RGS22: variants seen among roughly 807,000 people sequenced by gnomAD.
RGS22 encodes regulator of G-protein signaling 22.
RGS22 carries 148 observed loss-of-function variants against 172.9 expected under a neutral mutation model. The observed-to-expected ratio is 0.86, with a 90% CI of 0.75 to 0.98. The LOEUF is 0.98. RGS22 is among the 50% of genes least tolerant of loss of function. The pLI, the probability that RGS22 is intolerant of heterozygous loss-of-function variation, is 0.00. For missense variants in RGS22, 1,347 were observed against 1,440.8 expected, an observed-to-expected ratio of 0.93 and a Z score of 1.05; for synonymous variants, 458 against 480.2, an observed-to-expected ratio of 0.95 and a Z score of 0.60.
chr8:100,012,550 C>G lies in RGS22; in HGVS notation c.2167-3981G>C, dbSNP rs546070864. 9.2e-5 allele frequency among the ~76,000 whole-genome samples: 14 copies of G among 151,512 alleles called. No individual in the cohort carries two copies. The South Asian group carries it at 2.7e-3, about 29-fold the overall frequency. Reference sequence around the variant, plus strand: ...TGAAATATGATGGTGCCACCGTACTCCAGACTGGGTGACAAGAGTGAGGAG... The same window carrying G: ...TGAAATATGATGGTGCCACCGTACTGCAGACTGGGTGACAAGAGTGAGGAG... On this transcript the variant is annotated intron_variant, in intron 14 of 27. Transcript: ENST00000360863.
intron 14 of RGS22, among the ~76,000 whole-genome samples, chr8:100,016,450 C>A (rs1286233684): frequency 3.3e-5 from 5 of 151,960 alleles, no homozygotes; most frequent in Non-Finnish European, 7.4e-5. Flanking sequence ...AGAATATCAA[C>A]CCCCATCTGA....
intron 12 of RGS22, 94 bp from the exon 13 acceptor site, chr8:100,040,181 G>T: frequency 9.0e-7 from 1 of 1,115,810 alleles, no homozygotes; most frequent in Non-Finnish European, 1.3e-6. Flanking sequence ...CTACCATGCT[G>T]TCATTTTCCC....
At chr8:100,026,868 A>G (rs1019334237) in intron 14 of RGS22, among the ~76,000 whole-genome samples, 1 of 152,244 alleles carries the variant, frequency 6.6e-6, no homozygotes, top group Admixed American at 6.5e-5. Flanking sequence ...ATGACTTAAA[A>G]GTAAAACAAA....
At chr8:100,002,624 C>A (rs1358105630) in intron 17 of RGS22, among the ~76,000 whole-genome samples, 3 of 152,158 alleles carry the variant, frequency 2.0e-5, no homozygotes, top group Non-Finnish European at 4.4e-5. Context: ...AATCCGTCAC[C>A]ATTATTGGTG....
At chr8:99,986,949 G>A (rs1813162084) in intron 21 of RGS22, among the ~76,000 whole-genome samples, 1 of 152,022 alleles carries the variant, frequency 6.6e-6, no homozygotes, top group Admixed American at 6.6e-5. Flanking sequence ...CTCTCTGCAG[G>A]AAGGTTCTCA....
At chr8:100,010,721 A>C (rs1816281216) in intron 14 of RGS22, among the ~76,000 whole-genome samples, 1 of 152,136 alleles carries the variant, frequency 6.6e-6, no homozygotes, top group Non-Finnish European at 1.5e-5. Flanking sequence ...ACATTTATTA[A>C]ATTTTCCAAA....
intron 2 of RGS22, among the ~76,000 whole-genome samples, chr8:100,102,375 A>G (rs1236986653): frequency 3.9e-5 from 6 of 152,212 alleles, no homozygotes; most frequent in African/African-American, 1.2e-4. Context: ...TCTACCATGG[A>G]AAGGAGAGAA....
At chr8:100,008,662 GAA>G in intron 14 of RGS22, 93 bp from the exon 15 acceptor site, 1 of 921,012 alleles carries the variant, frequency 1.1e-6, no homozygotes, top group South Asian at 1.9e-5. Context: ...AAAACTAAGA[GAA>G]GGCAAATAAG....
chr8:100,093,472 T>A lies in RGS22; in HGVS notation c.92A>T (p.Tyr31Phe). Residue 31 changes from tyrosine to phenylalanine, a missense_variant, in exon 3 of 28, where the codon TAC becomes TTC. Coordinates refer to ENST00000360863, the MANE Select transcript of RGS22 (RefSeq NM_015668.5). The part of the protein sequence containing the change: ...SLATDDFLVD[Y>F]FNEFLSLPTF... ...TGGAAGGCTTAGGAATTCATTAAAG[T>A]AGTCTACAAGGAAATCATCTGTTGC... 6.3e-7 allele frequency: 1 copy of A among 1,597,320 alleles called. No individual in the cohort carries two copies. Among genetic ancestry groups the A allele is most frequent in the Non-Finnish European group, 8.6e-7 (1 of 1,168,858 alleles).
chr8:100,018,154 T>C (rs1394626937), intron 14 of RGS22, among the ~76,000 whole-genome samples: 1 of 151,718 alleles, frequency 6.6e-6, no homozygotes, highest in Non-Finnish European at 1.5e-5. Context: ...CACAATGTGC[T>C]GCTTTCCCCG....
intron 10 of RGS22, among the ~76,000 whole-genome samples, chr8:100,052,218 T>TATAA (rs1563673449): frequency 8.9e-5 from 11 of 123,462 alleles, no homozygotes; most frequent in African/African-American, 3.1e-4. Flanking sequence ...TATATAAATA[T>TATAA]ACACATATAT....
intron 10 of RGS22, among the ~76,000 whole-genome samples, chr8:100,049,103 A>T (rs1200223793): frequency 2.0e-5 from 3 of 152,172 alleles, no homozygotes; most frequent in African/African-American, 7.2e-5. Flanking sequence ...AAGTACCCAG[A>T]AAGTAACTGA....
At chr8:100,093,262 A>C in intron 3 of RGS22, 185 bp downstream of exon 3, 1 of 489,520 alleles carries the variant, frequency 2.0e-6, no homozygotes, top group South Asian at 3.5e-5. Context: ...TTCAATAAGA[A>C]TAATTTCTAA....
intron 2 of RGS22, among the ~76,000 whole-genome samples, chr8:100,104,378 A>C (rs1813757678): frequency 6.8e-6 from 1 of 147,082 alleles, no homozygotes; most frequent in African/African-American, 2.5e-5. Context: ...TTTTTTCTTA[A>C]AGCAGAGCTC....
intron 3 of RGS22, among the ~76,000 whole-genome samples, chr8:100,089,549 A>C (rs1182637431): frequency 6.6e-6 from 1 of 152,098 alleles, no homozygotes; most frequent in Admixed American, 6.6e-5. Context: ...TGGTTTCCAG[A>C]GTGATCATTG....
chr8:100,024,046 A>G (rs1278237055), intron 14 of RGS22: 1 of 152,194 alleles, frequency 6.6e-6, no homozygotes, highest in East Asian at 1.9e-4. Flanking sequence ...GGCTCACTGC[A>G]ACCTCCACCA....
At chr8:100,029,548 A>G (rs1397475968) in intron 14 of RGS22, among the ~76,000 whole-genome samples, 3 of 151,920 alleles carry the variant, frequency 2.0e-5, no homozygotes, top group African/African-American at 7.3e-5. Flanking sequence ...CTAAAAATAC[A>G]AAACATTAGC....
chr8:100,010,202 A>G (rs778213204), intron 14 of RGS22, among the ~76,000 whole-genome samples: 2 of 152,046 alleles, frequency 1.3e-5, no homozygotes, highest in Admixed American at 1.3e-4. Context: ...TAAAACCAAC[A>G]TAAGGCCAGG....
At chr8:99,996,379 T>A in intron 20 of RGS22, 83 bp downstream of exon 20, 1 of 1,187,374 alleles carries the variant, frequency 8.4e-7, no homozygotes. Context: ...TCAGTGAGGA[T>A]TTTTGAACAA....
Sources: gnomAD v4.1 joint callset for allele counts (sites outside exome capture counted in the v4.1 genomes callset) on GRCh38, gnomAD v4.1.1 for gene constraint, MANE v1.5 for transcripts, NCBI Gene and HGNC (gene_info 2026-07-23, HGNC 2026-07-21) for gene names.